RAI14: variants seen among roughly 807,000 people sequenced by gnomAD.
The protein encoded by RAI14 is ankycorbin.
In RAI14, 45 loss-of-function variants were observed where a neutral mutation model predicts 115.4. The ratio of observed to expected loss-of-function variants is 0.39; its 90% CI spans 0.31 to 0.50. The LOEUF (loss-of-function observed/expected upper bound fraction) is 0.50. Ranked by LOEUF, RAI14 falls within the 20% of genes least tolerant of loss-of-function variation. The pLI, the probability that RAI14 is intolerant of heterozygous loss-of-function variation, is 0.85. For synonymous variants in RAI14, 371 were observed against 415.4 expected (o/e 0.89, Z 1.30); for missense variants, 939 against 1,131.2 (o/e 0.83, Z 2.44).
At chr5:34,672,780 A>G (rs182613580) in intron 1 of RAI14, among the ~76,000 whole-genome samples, 15 of 152,236 alleles carry the variant, frequency 9.9e-5, no homozygotes, top group African/African-American at 3.6e-4. Context: ...ATTAACTGCT[A>G]TTCATCATTA....
intron 3 of RAI14, among the ~76,000 whole-genome samples, chr5:34,766,402 G>A (rs1749375852): frequency 6.6e-6 from 1 of 152,176 alleles, no homozygotes; most frequent in South Asian, 2.1e-4. Flanking sequence ...CCCACCTCTT[G>A]CATCAGTGTG....
At chr5:34,711,118 G>A (rs1343615017) in intron 2 of RAI14, among the ~76,000 whole-genome samples, 1 of 152,122 alleles carries the variant, frequency 6.6e-6, no homozygotes, top group Non-Finnish European at 1.5e-5. Flanking sequence ...AAGTGATTAG[G>A]TCATAGGTTT....
chr5:34,747,429 GTA>G (rs1746425839), intron 2 of RAI14, among the ~76,000 whole-genome samples: 1 of 152,188 alleles, frequency 6.6e-6, no homozygotes, highest in Non-Finnish European at 1.5e-5. Context: ...TAGCTATTGG[GTA>G]TGTTTCTCTT....
At chr5:34,678,715 A>C (rs1353080996) in intron 1 of RAI14, among the ~76,000 whole-genome samples, 1 of 152,218 alleles carries the variant, frequency 6.6e-6, no homozygotes, top group Non-Finnish European at 1.5e-5. Flanking sequence ...GCACACCAGC[A>C]GAGGGGCCCC....
At chr5:34,677,480 T>C (rs1038076294) in intron 1 of RAI14, among the ~76,000 whole-genome samples, 2 of 149,408 alleles carry the variant, frequency 1.3e-5, no homozygotes, top group African/African-American at 2.4e-5. Context: ...GGGGTCTCAC[T>C]CTGTCTCCCA....
intron 13 of RAI14, among the ~76,000 whole-genome samples, chr5:34,821,007 G>A (rs972930766): frequency 3.9e-5 from 6 of 152,204 alleles, no homozygotes; most frequent in Non-Finnish European, 8.8e-5. Flanking sequence ...AGAATCAGCC[G>A]TGTGTTGAGA....
intron 2 of RAI14, among the ~76,000 whole-genome samples, chr5:34,717,680 C>G (rs1580005335): frequency 6.6e-6 from 1 of 152,106 alleles, no homozygotes; most frequent in Non-Finnish European, 1.5e-5. Flanking sequence ...CCAGTCACCC[C>G]ACCCATGCCC....
intron 7 of RAI14, among the ~76,000 whole-genome samples, chr5:34,810,005 G>A (rs1413915823): frequency 6.6e-6 from 1 of 152,150 alleles, no homozygotes; most frequent in Non-Finnish European, 1.5e-5. Flanking sequence ...GAAGTGACTA[G>A]ATAGAATCTG....
In RAI14 at chr5:34,666,510, T is replaced by A. The variant is rs77503141; in HGVS notation, c.-49+10035T>A. Among the ~76,000 whole-genome samples, 785 of 152,342 alleles carry A rather than the reference T, an allele frequency of 5.2e-3. 7 individuals are homozygous for A. The highest frequency in any genetic ancestry group is 0.017 in the African/African-American group (713 of 41,576). On this transcript the variant is annotated intron_variant, in intron 1 of 17. Coordinates refer to ENST00000265109, the MANE Select transcript of RAI14 (RefSeq NM_015577.3). Reference sequence around the variant, plus strand: ...AGGGCCACACTTTTAGTTGAGGAACTGACCCTCAGCTGGAAGCCTGCTCTT... The same window carrying A: ...AGGGCCACACTTTTAGTTGAGGAACAGACCCTCAGCTGGAAGCCTGCTCTT...
intron 1 of RAI14, chr5:34,667,288 A>G (rs1231381256): frequency 6.6e-6 from 1 of 152,016 alleles, no homozygotes; most frequent in Non-Finnish European, 1.5e-5. Flanking sequence ...CTTAGGCTGG[A>G]GTGCAGTGGT....
intron 1 of RAI14, among the ~76,000 whole-genome samples, chr5:34,658,088 C>T (rs1579834796): frequency 6.6e-6 from 1 of 152,190 alleles, no homozygotes; most frequent in South Asian, 2.1e-4. Flanking sequence ...GCACAGTTTT[C>T]ATCTCCATTC....
chr5:34,823,603 T>C lies in RAI14; in HGVS notation c.1761T>C (p.Ile587=), dbSNP rs923551051. The C allele has an allele frequency of 6.2e-6, 10 of 1,614,120 alleles. No homozygotes were observed. The highest frequency in any genetic ancestry group is 8.5e-6 in the Non-Finnish European group (10 of 1,180,034). The part of the protein sequence containing the change: ...EEMKSSYCSV[I]ENMNKEKAFL... ...TGAAAAGTTCATATTGCTCTGTTAT[T>C]GAGAATATGAATAAGGAGAAAGCAT... Residue 587 remains isoleucine, a synonymous_variant, in exon 15 of 18, where the codon ATT becomes ATC. Coordinates refer to ENST00000265109, the MANE Select transcript of RAI14 (RefSeq NM_015577.3). The surrounding 1 kb of genome is among the most constrained non-coding windows in gnomAD (Gnocchi z 4.5).
At chr5:34,790,172 T>C (rs1752751252) in intron 3 of RAI14, among the ~76,000 whole-genome samples, 1 of 152,162 alleles carries the variant, frequency 6.6e-6, no homozygotes, top group Admixed American at 6.5e-5. Flanking sequence ...CTTCTAGGCA[T>C]AGGGTGGGGG....
intron 14 of RAI14, among the ~76,000 whole-genome samples, chr5:34,822,664 C>CTTTTTCTTTTT (rs1756991248): frequency 1.1e-4 from 5 of 47,534 alleles, no homozygotes; most frequent in African/African-American, 3.3e-4. Flanking sequence ...CCTTTGGTAT[C>CTTTTTCTTTTT]TTTTTTTTTT....
At chr5:34,755,746 G>A (rs556232677) in intron 2 of RAI14, among the ~76,000 whole-genome samples, 8 of 152,286 alleles carry the variant, frequency 5.3e-5, no homozygotes, top group Middle Eastern at 3.4e-3. Flanking sequence ...TGAAAGCCCA[G>A]ATAAAGAACA....
intron 3 of RAI14, among the ~76,000 whole-genome samples, chr5:34,766,924 GAGTA>G (rs1749458955): frequency 6.6e-6 from 1 of 152,142 alleles, no homozygotes; most frequent in East Asian, 1.9e-4. Flanking sequence ...TTGCAGTAGT[GAGTA>G]AGTCTCACGA....
chr5:34,660,209 G>A (rs1028264054), intron 1 of RAI14, among the ~76,000 whole-genome samples: 1 of 152,048 alleles, frequency 6.6e-6, no homozygotes, highest in Non-Finnish European at 1.5e-5. Flanking sequence ...GAGGCAGGTG[G>A]ATCACCTGAG....
rs188261488 is a variant in RAI14 at position 34,772,061 on chromosome 5, A to G, written c.167+14463A>G. 2.3e-3 allele frequency among the ~76,000 whole-genome samples: 350 copies of G among 152,046 alleles called. 1 individual carries two copies. The highest frequency in any genetic ancestry group is 8.0e-3 in the African/African-American group (333 of 41,470). On this transcript the variant is annotated intron_variant, in intron 3 of 17. Coordinates refer to ENST00000265109, the MANE Select transcript of RAI14 (RefSeq NM_015577.3). ...GTAGGTGGGACTATAGGTACGTGGC[A>G]CCTCACCTGGCTAATTTATTTTTGT...
chr5:34,728,043 T>C (rs1160273472), intron 2 of RAI14, among the ~76,000 whole-genome samples: 1 of 152,142 alleles, frequency 6.6e-6, no homozygotes, highest in East Asian at 1.9e-4. Context: ...GTGGCCTGGG[T>C]GTGAGACTTG....
Sources: gnomAD v4.1 joint callset for allele counts (sites outside exome capture counted in the v4.1 genomes callset) on GRCh38, gnomAD v4.1.1 for gene constraint, Gnocchi (gnomAD v3.1) non-coding constraint, MANE v1.5 for transcripts, NCBI Gene and HGNC (gene_info 2026-07-23, HGNC 2026-07-21) for gene names.